The following SP110 variants were observed in gnomAD, a reference collection of about 807,000 sequenced individuals.
SP110 encodes the protein SP110 nuclear body protein.
In SP110, 62 loss-of-function variants were observed where a neutral mutation model predicts 92.7. The ratio of observed to expected loss-of-function variants is 0.67; its 90% CI spans 0.55 to 0.83. The LOEUF (loss-of-function observed/expected upper bound fraction) is 0.83, where lower values mean the gene tolerates loss of function less well. Among genes scored for constraint, SP110 ranks in the 40% least tolerant of loss-of-function variants. The pLI is 0.00. For synonymous variants in SP110, 273 were observed against 305.3 expected (o/e 0.89, Z 1.10); for missense variants, 793 against 863.9 (o/e 0.92, Z 1.03).
rs1362751455 is a variant in SP110 at position 230,216,944 on chromosome 2, T to C, written c.-1-16A>G. On this transcript the variant is annotated splice_polypyrimidine_tract_variant and intron_variant, in intron 1 of 18. Transcript: ENST00000258381. Reference sequence around the variant, plus strand: ...GGTGAACATCCTATGGAAAGAGGCATGATAAAAAATAGAAGCAAAGGCTGG... The same window carrying C: ...GGTGAACATCCTATGGAAAGAGGCACGATAAAAAATAGAAGCAAAGGCTGG... The C allele has an allele frequency of 7.4e-6, 12 of 1,611,440 alleles. No individual in the cohort carries two copies. The highest frequency in any genetic ancestry group is 1.9e-4 in the Middle Eastern group (1 of 5,290).
In SP110 at chr2:230,216,934, G is replaced by A. The variant is rs2045251503; in HGVS notation, c.-1-6C>T. ...CTCTTGTCATGGTGAACATCCTATG[G>A]AAAGAGGCATGATAAAAAATAGAAG... On this transcript the variant is annotated splice_region_variant and splice_polypyrimidine_tract_variant and intron_variant, in intron 1 of 18. Coordinates refer to ENST00000258381, the MANE Select transcript of SP110 (RefSeq NM_080424.4). 2 of 1,612,600 alleles carry A rather than the reference G, an allele frequency of 1.2e-6. No individual in the cohort carries two copies. Among genetic ancestry groups the A allele is most frequent in the South Asian group, 2.2e-5 (2 of 90,988 alleles).
rs966563339 is a variant in SP110, at chr2:230,168,426, A to G, written c.*698T>C. The G allele has an allele frequency of 1.3e-5, 2 of 152,068 alleles. No homozygotes were observed. The highest frequency in any genetic ancestry group is 2.9e-5 in the Non-Finnish European group (2 of 68,006). 9.4% of individuals were successfully genotyped at this position (152,068 alleles called of 1,614,324 possible). ...TGTAAAAAAAAACCTGAATCTCATC[A>G]TTTTGCAACCTCTGATGATATCACG... On this transcript the variant is annotated 3_prime_UTR_variant, in exon 19 of 19. Coordinates refer to ENST00000258381, the MANE Select transcript of SP110 (RefSeq NM_080424.4).
intron 10 of SP110, among the ~76,000 whole-genome samples, chr2:230,189,495 A>T (rs1336212386): frequency 6.6e-6 from 1 of 152,192 alleles, no homozygotes; most frequent in African/African-American, 2.4e-5. Flanking sequence ...TATGGTTTTG[A>T]AAGTTCCTTT....
rs78015008 is a variant in SP110 at position 230,165,669 on chromosome 2, G to A, written c.*3455C>T. On this transcript the variant is annotated 3_prime_UTR_variant, in exon 19 of 19. Coordinates refer to ENST00000258381, the MANE Select transcript of SP110 (RefSeq NM_080424.4). ...GCTGAGAGGTATCAAAGTGATAAACGCATTGCCTTAAGTATGTGACACATT... is the reference window on the plus strand; with the variant it reads ...GCTGAGAGGTATCAAAGTGATAAACACATTGCCTTAAGTATGTGACACATT... Among the ~76,000 whole-genome samples, 691 of 152,042 alleles carry A rather than the reference G, an allele frequency of 4.5e-3. 11 individuals are homozygous for A. The highest frequency in any genetic ancestry group is 0.016 in the African/African-American group (655 of 41,460).
At chr2:230,204,854 T>C (rs1299141464) in intron 8 of SP110, among the ~76,000 whole-genome samples, 3 of 152,090 alleles carry the variant, frequency 2.0e-5, no homozygotes, top group Non-Finnish European at 4.4e-5. Flanking sequence ...TGGGGAGTAG[T>C]GTAGGTTCAG....
chr2:230,212,051 T>C (rs1324545466), intron 5 of SP110, among the ~76,000 whole-genome samples: 3 of 152,192 alleles, frequency 2.0e-5, no homozygotes, highest in Non-Finnish European at 4.4e-5. Flanking sequence ...ATCCAAACCA[T>C]ATAAAAATGA....
At chr2:230,190,858 G>T (rs186803873) in intron 10 of SP110, among the ~76,000 whole-genome samples, 58 of 152,346 alleles carry the variant, frequency 3.8e-4, no homozygotes, top group Admixed American at 8.5e-4. Context: ...TTGAAGAACA[G>T]ATGGTTGTAG....
chr2:230,217,647 C>G (rs531158976), intron 1 of SP110, among the ~76,000 whole-genome samples: 23 of 152,282 alleles, frequency 1.5e-4, no homozygotes, highest in African/African-American at 5.3e-4. Context: ...AACTGAGACA[C>G]AGAAATGTTT....
chr2:230,217,980 G>A lies in SP110; in HGVS notation c.-1-1052C>T, dbSNP rs554424453. On this transcript the variant is annotated intron_variant, in intron 1 of 18. Transcript: ENST00000258381. ...TTAGTAAAAGTGACTTAACTGACTT[G>A]TTCACTGCAACCATTTCATGTCTCA... Among the ~76,000 whole-genome samples the A allele has an allele frequency of 1.3e-4, 20 of 152,358 alleles. 1 individual carries two copies. The South Asian group carries it at 3.3e-3, about 25-fold the overall frequency.
chr2:230,187,802 A>C (rs1218986488), intron 10 of SP110, among the ~76,000 whole-genome samples: 1 of 152,154 alleles, frequency 6.6e-6, no homozygotes, highest in African/African-American at 2.4e-5. Context: ...AGTTGGTTTT[A>C]AGTATTTGGC....
intron 3 of SP110, 29 bp downstream of exon 3, chr2:230,214,921 T>C (rs201481061): frequency 7.2e-5 from 115 of 1,605,416 alleles, no homozygotes; most frequent in Non-Finnish European, 9.0e-5. Flanking sequence ...ACTTTTTAAA[T>C]GCAAAAAGCA....
rs1056828943 is a variant in SP110 at position 230,202,693 on chromosome 2, G to C, written c.934C>G (p.Leu312Val). 9 of 1,613,968 alleles carry C rather than the reference G, an allele frequency of 5.6e-6. No individual in the cohort carries two copies. The Admixed American group carries it at 1.3e-4, about 24-fold the overall frequency. The change falls in exon 9 of 19, where the codon CTC becomes GTC. Residue 312 changes from leucine (L) to valine (V), a missense_variant. Coordinates refer to ENST00000258381, the MANE Select transcript of SP110 (RefSeq NM_080424.4). ...ASSRHGIQKK[L>V]KRVDQVPQKK... Reference sequence around the variant, plus strand: ...TGAGGAACCTGATCCACCCTTTTGAGCTTCTTTTGGATTCCGTGTCTAGAT... The same window carrying C: ...TGAGGAACCTGATCCACCCTTTTGACCTTCTTTTGGATTCCGTGTCTAGAT...
chr2:230,172,029 G>T (rs2078456035), intron 16 of SP110, 37 bp downstream of exon 16: 2 of 1,273,348 alleles, frequency 1.6e-6, no homozygotes, highest in Non-Finnish European at 2.3e-6. Flanking sequence ...CGTGTGAGAA[G>T]GGAAAAGTAT....
chr2:230,210,115 G>A (rs901982108), intron 6 of SP110, 107 bp from the exon 7 acceptor site: 3 of 789,890 alleles, frequency 3.8e-6, no homozygotes, highest in Non-Finnish European at 6.8e-6. Flanking sequence ...TGCAGCCCAG[G>A]GCCGGGAATC....
intron 8 of SP110, among the ~76,000 whole-genome samples, chr2:230,207,387 CT>C: frequency 6.6e-6 from 1 of 152,208 alleles, no homozygotes; most frequent in South Asian, 2.1e-4. Flanking sequence ...GACCAGATAC[CT>C]TGTGTTCCTG....
At position 230,212,961 on chromosome 2, in the gene SP110, G is replaced by A. The variant is rs11556887; in HGVS notation, c.383C>T (p.Ala128Val). The part of the protein sequence containing the change: ...PILLEAPTGL[A>V]EGSSLHTPLA... ...TGGGGTATGGAGGGAGCTTCCTTCT[G>A]CTAGGCCAGTTGGGGCTTCAAGTAG... is the stretch of plus-strand genomic sequence containing the variant. The change falls in exon 4 of 19, where the codon GCA becomes GTA. Residue 128 changes from alanine (A) to valine (V), a missense_variant. Ala to Val is a moderately conservative substitution (Grantham distance 64, BLOSUM62 0). Transcript: ENST00000258381. 0.097 allele frequency: 155,764 copies of A among 1,613,944 alleles called. 9,150 individuals carry two copies. Among genetic ancestry groups the A allele is most frequent in the South Asian group, 0.23 (20,835 of 91,074 alleles).
At chr2:230,173,829 C>T (rs1024576877) in intron 14 of SP110, 1 of 152,172 alleles carries the variant, frequency 6.6e-6, no homozygotes, top group Non-Finnish European at 1.5e-5. Flanking sequence ...ATAGATTTGA[C>T]TAATGTGTTC....
intron 1 of SP110, chr2:230,219,480 T>C (rs908486964): frequency 1.3e-5 from 2 of 152,178 alleles, no homozygotes; most frequent in African/African-American, 4.8e-5. Flanking sequence ...AGAAAATATA[T>C]AAAAAGTTCA....
At chr2:230,192,644 T>A (rs909503647) in intron 10 of SP110, among the ~76,000 whole-genome samples, 2 of 152,068 alleles carry the variant, frequency 1.3e-5, no homozygotes, top group Admixed American at 1.3e-4. Flanking sequence ...AGGACACAAA[T>A]GGAAAAACAT....
Sources: gnomAD v4.1 joint callset for allele counts (sites outside exome capture counted in the v4.1 genomes callset) on GRCh38, gnomAD v4.1.1 for gene constraint, MANE v1.5 for transcripts, NCBI Gene and HGNC (gene_info 2026-07-23, HGNC 2026-07-21) for gene names.